CDC42BPB: variants seen among roughly 807,000 people sequenced by gnomAD.
CDC42BPB encodes CDC42 binding protein kinase beta.
A neutral mutation model predicts 214.9 loss-of-function variants in CDC42BPB; 37 were observed. The ratio of observed to expected loss-of-function variants is 0.17; its 90% CI spans 0.13 to 0.23. CDC42BPB has a LOEUF of 0.23. Among genes scored for constraint, CDC42BPB ranks in the 10% least tolerant of loss-of-function variants. CDC42BPB has a pLI of 1.00. For missense variants in CDC42BPB, 1,694 were observed against 2,227.0 expected (o/e 0.76, Z 4.82); for synonymous variants, 931 against 884.0 (o/e 1.05, Z -0.94).
chr14:102,961,714 T>A (rs1239351680), intron 20 of CDC42BPB, among the ~76,000 whole-genome samples: 1 of 152,174 alleles, frequency 6.6e-6, no homozygotes, highest in Non-Finnish European at 1.5e-5. Flanking sequence ...CAGCTAATTT[T>A]GTATTTTTAC....
chr14:102,971,851 C>A, intron 13 of CDC42BPB, 68 bp downstream of exon 13: 1 of 1,522,394 alleles, frequency 6.6e-7, no homozygotes, highest in South Asian at 1.2e-5. Context: ...CCCAAGATTT[C>A]AAAGACGTTT....
intron 1 of CDC42BPB, among the ~76,000 whole-genome samples, chr14:103,042,358 G>A (rs185859017): frequency 1.6e-4 from 24 of 151,696 alleles, no homozygotes; most frequent in African/African-American, 5.6e-4. Flanking sequence ...CACCCAGGCT[G>A]GAGTTCAGTG....
intron 22 of CDC42BPB, 73 bp downstream of exon 22, chr14:102,954,529 T>G: frequency 6.8e-7 from 1 of 1,463,782 alleles, no homozygotes; most frequent in Non-Finnish European, 9.4e-7. Flanking sequence ...AGGGGCCAGG[T>G]GAGCAGCATC....
chr14:102,967,181 A>T lies in CDC42BPB; in HGVS notation c.2347-11T>A, dbSNP rs777817173. 2.5e-6 allele frequency: 4 copies of T among 1,607,828 alleles called. No individual in the cohort carries two copies. Among genetic ancestry groups the T allele is most frequent in the Non-Finnish European group, 3.4e-6 (4 of 1,174,948 alleles). On this transcript the variant is annotated splice_polypyrimidine_tract_variant and intron_variant, in intron 16 of 36. Transcript: ENST00000361246. ...CACAAAGGAACAGAGCTGAAATGAA[A>T]CAATTTCACCACAGAACTTGTTAAT...
At chr14:102,970,069 C>T in intron 14 of CDC42BPB, 82 bp downstream of exon 14, 7 of 1,133,624 alleles carry the variant, frequency 6.2e-6, no homozygotes, top group Non-Finnish European at 9.1e-6. Flanking sequence ...CCACACATTA[C>T]ACAAGGTGAC....
chr14:103,024,569 C>A (rs1360249399), intron 1 of CDC42BPB, among the ~76,000 whole-genome samples: 1 of 152,202 alleles, frequency 6.6e-6, no homozygotes, highest in Non-Finnish European at 1.5e-5. Context: ...TTCGTAACAT[C>A]CACCAAACTC....
chr14:102,971,774 TA>T, intron 13 of CDC42BPB, 144 bp downstream of exon 13: 1 of 772,568 alleles, frequency 1.3e-6, no homozygotes, highest in South Asian at 1.7e-5. Flanking sequence ...AACAACAAAA[TA>T]AATGCTCGGC....
rs1004518886 is a variant in CDC42BPB at position 102,950,760 on chromosome 14, G to A, written c.3173-158C>T. On this transcript the variant is annotated intron_variant, in intron 24 of 36. Transcript: ENST00000361246. ...GTGGGCAGACCACTTGAGGTCAGCA[G>A]TTTGAGACCAGCCTGGCCAACATGG... 51 of 837,742 alleles carry A rather than the reference G, an allele frequency of 6.1e-5. No homozygotes were observed. The African/African-American group carries it at 8.4e-4, about 14-fold the overall frequency. 51.9% of individuals were successfully genotyped at this position (837,742 alleles called of 1,614,324 possible). A position where few individuals can be genotyped will look rare whatever the true frequency, so the allele number is the denominator to read the frequency against.
intron 21 of CDC42BPB, among the ~76,000 whole-genome samples, chr14:102,957,198 C>CAAAAA (rs1169886657): frequency 3.0e-5 from 1 of 33,406 alleles, no homozygotes; most frequent in Non-Finnish European, 7.0e-5. Context: ...AAGACTGTCT[C>CAAAAA]AAAAAAAAAA....
chr14:102,935,128 G>C (rs2139330705), intron 36 of CDC42BPB, among the ~76,000 whole-genome samples: 1 of 152,222 alleles, frequency 6.6e-6, no homozygotes, highest in South Asian at 2.1e-4. Flanking sequence ...GATCAGGGAA[G>C]AAACAGAAAT....
chr14:103,032,721 C>T (rs940372717), intron 1 of CDC42BPB, among the ~76,000 whole-genome samples: 2 of 148,392 alleles, frequency 1.3e-5, no homozygotes, highest in African/African-American at 5.0e-5. Context: ...CGACCTCTGC[C>T]TCCCGGGTTC....
In CDC42BPB at chr14:103,004,240, G is replaced by C; in HGVS notation, c.352-217C>G. ...TGCAAGTGCCAAGGGCTGCTGAGGA[G>C]GCACTTGCACCCTGCTGTCCCACGG... On this transcript the variant is annotated intron_variant, in intron 3 of 36. Transcript: ENST00000361246. This position sits in a 1 kb window ranked among gnomAD's most constrained non-coding sequence, Gnocchi z 5.3. The C allele has an allele frequency of 8.0e-7, 1 of 1,242,370 alleles. No individual in the cohort carries two copies. Among genetic ancestry groups the C allele is most frequent in the Non-Finnish European group, 1.0e-6 (1 of 971,336 alleles). The allele number at this position is 1,242,370 out of a possible 1,614,324, so 77.0% of individuals were successfully genotyped here.
rs368115705 is a variant in CDC42BPB, at chr14:102,970,142, C to G, written c.1995+9G>C. 5 of 1,608,498 alleles carry G rather than the reference C, an allele frequency of 3.1e-6. No homozygotes were observed. The African/African-American group carries it at 6.7e-5, about 21-fold the overall frequency. Reference sequence around the variant, plus strand: ...TCAGTTAAGGGCAGAGACCCCCGCCCAGCACTACCTTGAGGGCCTCCAGCT... The same window carrying G: ...TCAGTTAAGGGCAGAGACCCCCGCCGAGCACTACCTTGAGGGCCTCCAGCT... On this transcript the variant is annotated intron_variant, in intron 14 of 36. Transcript: ENST00000361246.
chr14:102,942,972 G>A (rs985313283), intron 30 of CDC42BPB, among the ~76,000 whole-genome samples: 2 of 151,812 alleles, frequency 1.3e-5, no homozygotes, highest in East Asian at 1.9e-4. Flanking sequence ...GGGTTCAAGC[G>A]ATTCTCCTGC....
At chr14:103,046,618 A>C (rs567154423) in intron 1 of CDC42BPB, among the ~76,000 whole-genome samples, 10 of 152,194 alleles carry the variant, frequency 6.6e-5, no homozygotes, top group Non-Finnish European at 1.0e-4. Flanking sequence ...TGCCTTCATG[A>C]AACAGAAAGA....
At position 103,005,716 on chromosome 14, in the gene CDC42BPB, T is replaced by G. The variant is rs910255420; in HGVS notation, c.352-1693A>C. Among the ~76,000 whole-genome samples the G allele has an allele frequency of 3.3e-5, 5 of 150,614 alleles. No homozygotes were observed. The East Asian group carries it at 9.8e-4, about 30-fold the overall frequency. On this transcript the variant is annotated intron_variant, in intron 3 of 36. Transcript: ENST00000361246. ...TGTCTCTAAAACAAGAAAAAAAAAG[T>G]TTTTCTTTCAAAATGAAATGGTTGG...
At chr14:103,033,588 A>G (rs1887511148) in intron 1 of CDC42BPB, among the ~76,000 whole-genome samples, 1 of 152,186 alleles carries the variant, frequency 6.6e-6, no homozygotes, top group South Asian at 2.1e-4. Flanking sequence ...TGAATAGGAA[A>G]TATTACCAAT....
chr14:102,969,395 C>A (rs549749639), intron 14 of CDC42BPB, among the ~76,000 whole-genome samples: 1 of 152,172 alleles, frequency 6.6e-6, no homozygotes, highest in Non-Finnish European at 1.5e-5. Flanking sequence ...GAATGTGATC[C>A]GGCTTTGGTC....
chr14:102,939,230 C>T (rs1891779283), intron 34 of CDC42BPB, among the ~76,000 whole-genome samples: 2 of 152,220 alleles, frequency 1.3e-5, no homozygotes, highest in Non-Finnish European at 2.9e-5. Flanking sequence ...TGAGCCACCA[C>T]GCCCAGCCAA....
Sources: allele counts gnomAD v4.1 joint callset (sites outside exome capture counted in the v4.1 genomes callset), GRCh38; gene constraint gnomAD v4.1.1; non-coding constraint Gnocchi (gnomAD v3.1); transcripts MANE v1.5; gene names NCBI Gene and HGNC (gene_info 2026-07-23, HGNC 2026-07-21).